The following FRMPD1 variants were observed in gnomAD, a reference collection of about 807,000 sequenced individuals.
FRMPD1 encodes the protein FERM and PDZ domain-containing protein 1.
In FRMPD1, 76 loss-of-function variants were observed where a neutral mutation model predicts 117.8. That is an observed-to-expected ratio of 0.65 (90% CI 0.54 to 0.78). FRMPD1 has a LOEUF of 0.78. FRMPD1 is among the 30% of genes least tolerant of loss of function. FRMPD1 has a pLI of 0.00. For missense variants in FRMPD1, 1,786 were observed against 1,964.5 expected (o/e 0.91, Z 1.72); for synonymous variants, 783 against 770.4 (o/e 1.02, Z -0.27).
chr9:37,619,929 A>C, the FRMPD1 span, among the ~76,000 whole-genome samples: 2 of 152,142 alleles, frequency 1.3e-5, no homozygotes, highest in South Asian at 2.1e-4. Flanking sequence ...AAAAAAAAAA[A>C]AACCTGTATT....
intron 5 of FRMPD1, among the ~76,000 whole-genome samples, chr9:37,716,583 TGA>T (rs1823130257): frequency 6.6e-6 from 1 of 152,228 alleles, no homozygotes; most frequent in Non-Finnish European, 1.5e-5. Flanking sequence ...CTCCCGAAGG[TGA>T]GAGACAACAG....
intron 6 of FRMPD1, 97 bp from the exon 7 acceptor site, chr9:37,724,128 C>T (rs1390669532): frequency 3.0e-5 from 18 of 592,274 alleles, no homozygotes; most frequent in South Asian, 1.3e-4. Flanking sequence ...GAGCCGAGAT[C>T]GTACCACTGT....
At chr9:37,621,521 C>T in the FRMPD1 span, among the ~76,000 whole-genome samples, 2 of 152,166 alleles carry the variant, frequency 1.3e-5, no homozygotes, top group Non-Finnish European at 2.9e-5. Flanking sequence ...TCTCACCTCA[C>T]TTCAGCAGGA....
At chr9:37,705,413 A>G (rs1287300561) in intron 2 of FRMPD1, among the ~76,000 whole-genome samples, 1 of 152,154 alleles carries the variant, frequency 6.6e-6, no homozygotes, top group Non-Finnish European at 1.5e-5. Context: ...CTGCAACCTC[A>G]GCCTCTTGAG....
At chr9:37,724,393 C>T in intron 7 of FRMPD1, 73 bp downstream of exon 7, 2 of 770,750 alleles carry the variant, frequency 2.6e-6, no homozygotes, top group South Asian at 1.5e-5. Context: ...AGGCATCTTG[C>T]CCTGCATCTG....
the FRMPD1 span, among the ~76,000 whole-genome samples, chr9:37,638,050 C>CTTT: frequency 7.9e-5 from 6 of 76,164 alleles, 1 homozygote; most frequent in Non-Finnish European, 8.3e-5. Context: ...TTCTTTCTTT[C>CTTT]CTTTCTTTCT....
In FRMPD1 at chr9:37,711,406, T is replaced by C; in HGVS notation, c.408+11T>C. ...GTTCGCTGCACGTCGGTAAATCTCT[T>C]TCTATGTCCTGTGTGTTAGTTTCAC... On this transcript the variant is annotated intron_variant, in intron 5 of 15. Coordinates refer to ENST00000377765, the MANE Select transcript of FRMPD1 (RefSeq NM_014907.3). 1 of 1,586,030 alleles carries C rather than the reference T, an allele frequency of 6.3e-7. No individual in the cohort carries two copies. The highest frequency in any genetic ancestry group is 8.7e-7 in the Non-Finnish European group (1 of 1,154,338).
chr9:37,623,115 A>G, the FRMPD1 span, among the ~76,000 whole-genome samples: 2 of 152,266 alleles, frequency 1.3e-5, no homozygotes, highest in Non-Finnish European at 2.9e-5. Flanking sequence ...GGAATGTTTT[A>G]AAGTCTGACC....
the FRMPD1 span, among the ~76,000 whole-genome samples, chr9:37,643,605 T>G: frequency 6.6e-6 from 1 of 152,178 alleles, no homozygotes; most frequent in East Asian, 1.9e-4. Context: ...AAAAAGTTAG[T>G]TTTTCTTCTA....
chr9:37,646,370 C>A (rs1413311592), upstream of FRMPD1, among the ~76,000 whole-genome samples: 1 of 152,146 alleles, frequency 6.6e-6, no homozygotes, highest in Admixed American at 6.5e-5. Context: ...GGAATCATGT[C>A]GTTTTAGATC....
chr9:37,645,547 A>G, the FRMPD1 span, among the ~76,000 whole-genome samples: 48 of 152,330 alleles, frequency 3.2e-4, no homozygotes, highest in Admixed American at 1.2e-3. Context: ...CTTTGAGAGA[A>G]CGACTATGAT....
intron 15 of FRMPD1, among the ~76,000 whole-genome samples, chr9:37,741,997 G>A (rs749212919): frequency 9.2e-5 from 14 of 152,146 alleles, no homozygotes; most frequent in Admixed American, 3.9e-4. Flanking sequence ...CTGGCACCTC[G>A]CACAGCCTGT....
chr9:37,621,467 C>T, the FRMPD1 span, among the ~76,000 whole-genome samples: 1 of 152,116 alleles, frequency 6.6e-6, no homozygotes, highest in East Asian at 1.9e-4. Context: ...TGCTAAGTGC[C>T]GCTCATGGCC....
the FRMPD1 span, among the ~76,000 whole-genome samples, chr9:37,642,096 A>G: frequency 6.6e-6 from 1 of 152,182 alleles, no homozygotes; most frequent in African/African-American, 2.4e-5. Flanking sequence ...ACCATGGGAA[A>G]TATGCTCCAA....
At chr9:37,725,410 C>A (rs993085074) in intron 7 of FRMPD1, among the ~76,000 whole-genome samples, 2 of 152,218 alleles carry the variant, frequency 1.3e-5, no homozygotes. Flanking sequence ...AGCCAAGACA[C>A]ACATGCACAC....
At chr9:37,657,240 A>G (rs559443513) in intron 1 of FRMPD1, among the ~76,000 whole-genome samples, 1 of 152,330 alleles carries the variant, frequency 6.6e-6, no homozygotes, top group South Asian at 2.1e-4. Flanking sequence ...AAAACCAACG[A>G]TAACAATCCC....
intron 1 of FRMPD1, among the ~76,000 whole-genome samples, chr9:37,652,843 G>A (rs1820719333): frequency 6.6e-6 from 1 of 152,228 alleles, no homozygotes; most frequent in South Asian, 2.1e-4. Flanking sequence ...TTGTGCCACA[G>A]GATCTTCATT....
At chr9:37,709,850 C>G (rs1822845331) in intron 4 of FRMPD1, among the ~76,000 whole-genome samples, 1 of 152,112 alleles carries the variant, frequency 6.6e-6, no homozygotes, top group African/African-American at 2.4e-5. Flanking sequence ...GTCTTGAATG[C>G]CAGCACAGCA....
chr9:37,625,752 T>C, the FRMPD1 span, among the ~76,000 whole-genome samples: 2 of 152,198 alleles, frequency 1.3e-5, no homozygotes, highest in African/African-American at 2.4e-5. Context: ...GTTTTCACCC[T>C]GCAGCTATTT....
Sources: allele counts gnomAD v4.1 joint callset (sites outside exome capture counted in the v4.1 genomes callset), GRCh38; gene constraint gnomAD v4.1.1; transcripts MANE v1.5; gene names NCBI Gene and HGNC (gene_info 2026-07-23, HGNC 2026-07-21).